The following CCDC178 variants were observed in gnomAD, a reference collection of about 807,000 sequenced individuals.
CCDC178 encodes coiled-coil domain-containing protein 178.
In CCDC178, 126 loss-of-function variants were observed where a neutral mutation model predicts 117.4. That is an observed-to-expected ratio of 1.07 (90% CI 0.93 to 1.24). The LOEUF is 1.24. Ranked by LOEUF, CCDC178 falls within the 50% of genes most tolerant of loss-of-function variation. The pLI is 0.00. For synonymous variants in CCDC178, 283 were observed against 313.4 expected, an observed-to-expected ratio of 0.90 and a Z score of 1.02; for missense variants, 1,030 against 986.9, an observed-to-expected ratio of 1.04 and a Z score of -0.59.
chr18:33,150,085 G>A (rs183433766), intron 20 of CCDC178, among the ~76,000 whole-genome samples: 330 of 152,024 alleles, frequency 2.2e-3, no homozygotes, highest in African/African-American at 7.4e-3. Flanking sequence ...AAATAAAGCC[G>A]AATACTTACA....
At chr18:33,166,481 T>C (rs1598952620) in intron 20 of CCDC178, among the ~76,000 whole-genome samples, 1 of 152,234 alleles carries the variant, frequency 6.6e-6, no homozygotes, top group South Asian at 2.1e-4. Flanking sequence ...TTGGATGGCC[T>C]AGAGCTTAGA....
At chr18:33,059,393 AC>A (rs2056884983) in intron 21 of CCDC178, among the ~76,000 whole-genome samples, 1 of 152,150 alleles carries the variant, frequency 6.6e-6, no homozygotes, top group African/African-American at 2.4e-5. Flanking sequence ...ACACATCCAC[AC>A]AAGAACACAT....
chr18:33,034,910 C>T (rs1269191654), intron 21 of CCDC178, among the ~76,000 whole-genome samples: 1 of 151,714 alleles, frequency 6.6e-6, no homozygotes, highest in Non-Finnish European at 1.5e-5. Flanking sequence ...TAAAATAATG[C>T]CAATATAATA....
chr18:33,347,129 A>G (rs2062907008), intron 8 of CCDC178, among the ~76,000 whole-genome samples: 1 of 152,164 alleles, frequency 6.6e-6, no homozygotes, highest in African/African-American at 2.4e-5. Context: ...AAGAAGACAG[A>G]TATGAGTCCT....
intron 11 of CCDC178, among the ~76,000 whole-genome samples, chr18:33,313,788 C>A (rs1387876945): frequency 6.6e-6 from 1 of 152,090 alleles, no homozygotes; most frequent in Non-Finnish European, 1.5e-5. Context: ...AGGCAGATGC[C>A]CAGGGGAAGA....
At chr18:33,250,411 T>TA (rs2059606964) in intron 14 of CCDC178, among the ~76,000 whole-genome samples, 2 of 137,924 alleles carry the variant, frequency 1.5e-5, no homozygotes, top group Non-Finnish European at 3.1e-5. Flanking sequence ...ATACTATGTT[T>TA]AAAAAATAAG....
chr18:33,023,605 C>G (rs2056165968), intron 21 of CCDC178, among the ~76,000 whole-genome samples: 1 of 151,994 alleles, frequency 6.6e-6, no homozygotes, highest in Admixed American at 6.6e-5. Flanking sequence ...GCACTAGGTG[C>G]ATATATTAGA....
chr18:32,995,592 A>T (rs1442121138), intron 21 of CCDC178, among the ~76,000 whole-genome samples: 1 of 152,112 alleles, frequency 6.6e-6, no homozygotes, highest in Non-Finnish European at 1.5e-5. Context: ...TCTAACATAA[A>T]AATATTAGTT....
chr18:33,226,827 G>A lies in CCDC178; in HGVS notation c.1622C>T (p.Thr541Ile), dbSNP rs777409252. 6.2e-7 allele frequency: 1 copy of A among 1,601,476 alleles called. No homozygotes were observed. Among genetic ancestry groups the A allele is most frequent in the Non-Finnish European group, 8.5e-7 (1 of 1,172,378 alleles). Residue 541 changes from threonine (T) to isoleucine (I), a missense_variant, in exon 16 of 23, where the codon ACT becomes ATT. Thr to Ile is a moderately conservative substitution (Grantham distance 89). Coordinates refer to ENST00000383096, the MANE Select transcript of CCDC178 (RefSeq NM_001105528.4). ...CATTCCAGCAGCCACTTCACCTTGA[G>A]TGAGTTTTTTCAGGAATTCTTCTCT... ...KGREEFLKKL[T>I]QGEVAAGMVL...
intron 20 of CCDC178, among the ~76,000 whole-genome samples, chr18:33,196,316 A>C (rs1054353267): frequency 6.6e-6 from 1 of 152,174 alleles, no homozygotes; most frequent in Non-Finnish European, 1.5e-5. Context: ...GTATTGTCAC[A>C]CTTTGTGGCA....
At chr18:33,439,390 C>A (rs1363674918) in intron 2 of CCDC178, among the ~76,000 whole-genome samples, 1 of 152,068 alleles carries the variant, frequency 6.6e-6, no homozygotes, top group Non-Finnish European at 1.5e-5. Context: ...CAATCCCAAC[C>A]CATCCAGGGA....
rs148037069 is a variant in CCDC178 at position 33,107,414 on chromosome 18, C to T, written c.2239-14504G>A. On this transcript the variant is annotated intron_variant, in intron 20 of 22. Coordinates refer to ENST00000383096, the MANE Select transcript of CCDC178 (RefSeq NM_001105528.4). ...ACTTTAGAGAGTCTGGACCATAATC[C>T]GGAAAGACACAATCCCAAATGCCAT... Among the ~76,000 whole-genome samples the T allele has an allele frequency of 1.3e-4, 20 of 151,386 alleles. 1 individual carries two copies. In the East Asian group the frequency reaches 2.5e-3, roughly 19 times the overall value.
At chr18:33,439,318 G>T (rs1046071898) in intron 2 of CCDC178, among the ~76,000 whole-genome samples, 2 of 152,230 alleles carry the variant, frequency 1.3e-5, no homozygotes, top group Non-Finnish European at 2.9e-5. Flanking sequence ...GTCTAAGGTT[G>T]TGTTGAATCT....
chr18:33,345,597 A>C (rs528222490), intron 9 of CCDC178, among the ~76,000 whole-genome samples: 2 of 152,310 alleles, frequency 1.3e-5, no homozygotes, highest in South Asian at 4.1e-4. Context: ...TAATGACACC[A>C]ACTGGCAATC....
chr18:33,344,809 A>G (rs1466644282), intron 9 of CCDC178, among the ~76,000 whole-genome samples: 33 of 38,050 alleles, frequency 8.7e-4, no homozygotes, highest in African/African-American at 1.8e-3. Flanking sequence ...TAAAGCACAC[A>G]CACACACACA....
intron 2 of CCDC178, among the ~76,000 whole-genome samples, chr18:33,418,239 C>T (rs1228945996): frequency 6.6e-6 from 1 of 152,158 alleles, no homozygotes; most frequent in Admixed American, 6.5e-5. Flanking sequence ...CTAAAAACTA[C>T]ATGATCATCT....
chr18:33,287,663 C>A (rs1039910361), intron 12 of CCDC178, among the ~76,000 whole-genome samples: 1 of 152,062 alleles, frequency 6.6e-6, no homozygotes, highest in East Asian at 1.9e-4. Flanking sequence ...ACCTGTAATT[C>A]CAGCTACTCA....
intron 20 of CCDC178, among the ~76,000 whole-genome samples, chr18:33,177,136 A>G (rs934125881): frequency 1.2e-4 from 19 of 152,132 alleles, no homozygotes; most frequent in South Asian, 2.1e-4. Flanking sequence ...GTTCTCACTC[A>G]TAAGTGGGAG....
chr18:33,313,996 C>T (rs990752387), intron 11 of CCDC178, among the ~76,000 whole-genome samples: 1 of 151,152 alleles, frequency 6.6e-6, no homozygotes, highest in African/African-American at 2.4e-5. Context: ...GTCAGGAGAT[C>T]GAGACCATCC....
Sources: gnomAD v4.1 joint callset for allele counts (sites outside exome capture counted in the v4.1 genomes callset) on GRCh38, gnomAD v4.1.1 for gene constraint, MANE v1.5 for transcripts, NCBI Gene and HGNC (gene_info 2026-07-23, HGNC 2026-07-21) for gene names.